Variants in GCNT1 observed in about 807,000 individuals in gnomAD.
GCNT1 encodes glucosaminyl (N-acetyl) transferase 1.
In GCNT1, 16 loss-of-function variants were observed where a neutral mutation model predicts 26.2. The observed-to-expected ratio is 0.61, with a 90% CI of 0.41 to 0.93. The LOEUF (loss-of-function observed/expected upper bound fraction) is 0.93. Among genes scored for constraint, GCNT1 ranks in the 40% least tolerant of loss-of-function variants. The pLI is 0.00. For missense variants in GCNT1, 477 were observed against 526.7 expected (o/e 0.91, Z 0.92); for synonymous variants, 183 against 190.8 (o/e 0.96, Z 0.34).
exon 1 of GCNT1, chr9:76,441,780 G>T: frequency 6.6e-6 from 1 of 152,314 alleles, no homozygotes. Flanking sequence ...AGGTTTCCTG[G>T]GACCAGAAAA....
chr9:76,497,568 A>G (rs1587455985), intron 2 of GCNT1, among the ~76,000 whole-genome samples: 1 of 152,232 alleles, frequency 6.6e-6, no homozygotes, highest in African/African-American at 2.4e-5. Context: ...TTTACGTTGT[A>G]AAAAGCGTTT....
At chr9:76,403,890 G>C in the GCNT1 span, among the ~76,000 whole-genome samples, 1 of 152,244 alleles carries the variant, frequency 6.6e-6, no homozygotes, top group African/African-American at 2.4e-5. Context: ...TTATACATTT[G>C]GTGCAATGAT....
intron 1 of GCNT1, among the ~76,000 whole-genome samples, chr9:76,424,402 G>A (rs368379594): frequency 7.8e-4 from 119 of 152,258 alleles, no homozygotes; most frequent in African/African-American, 2.8e-3. Context: ...AACAGGCAAA[G>A]GAACAATATT....
intron 2 of GCNT1, among the ~76,000 whole-genome samples, chr9:76,479,250 C>G (rs907069967): frequency 2.4e-4 from 37 of 152,208 alleles, no homozygotes; most frequent in African/African-American, 8.4e-4. Flanking sequence ...TTAATCCAGT[C>G]TATCATTGTT....
intron 1 of GCNT1, among the ~76,000 whole-genome samples, chr9:76,433,064 G>C (rs1823359050): frequency 1.3e-5 from 2 of 152,088 alleles, no homozygotes; most frequent in Non-Finnish European, 2.9e-5. Flanking sequence ...TCTCTACTGA[G>C]AGCTGTTTCA....
At chr9:76,496,345 C>T (rs990086171) in intron 2 of GCNT1, among the ~76,000 whole-genome samples, 3 of 152,212 alleles carry the variant, frequency 2.0e-5, no homozygotes, top group East Asian at 1.9e-4. Context: ...CAGAGGGATC[C>T]GTGCAACCAG....
chr9:76,404,306 T>C, the GCNT1 span, among the ~76,000 whole-genome samples: 1 of 152,286 alleles, frequency 6.6e-6, no homozygotes, highest in Middle Eastern at 3.4e-3. Flanking sequence ...CTGTCCAATA[T>C]ATAAAATAAT....
chr9:76,420,006 T>C (rs1823168598), intron 1 of GCNT1: 1 of 152,332 alleles, frequency 6.6e-6, no homozygotes. Context: ...GAAGAAACCT[T>C]AGCATTACAG....
chr9:76,428,082 C>A (rs553086673), intron 1 of GCNT1, among the ~76,000 whole-genome samples: 1 of 151,662 alleles, frequency 6.6e-6, no homozygotes. Context: ...CTGGCTAATA[C>A]GGTGAAACCC....
Position 76,502,346 on chromosome 9 carries a change from GC to G in GCNT1, c.-33del. 1 of 1,445,302 alleles carries G rather than the reference GC, an allele frequency of 6.9e-7. No individual in the cohort carries two copies. The highest frequency in any genetic ancestry group is 9.7e-7 in the Non-Finnish European group (1 of 1,036,268). 89.5% of individuals were successfully genotyped at this position (1,445,302 alleles called of 1,614,324 possible). On this transcript the variant is annotated 5_prime_UTR_variant, in exon 4 of 4. An upstream open reading frame in the 5' UTR gains an earlier in-frame stop. Transcript: ENST00000376730. ...ATTGGTGCTTGGAGCATAGAAGACT[GC>G]CCTTCACAAAGGAAATCCCTGATTA...
rs75685233 is a variant in GCNT1, at chr9:76,475,857, G to A, written c.-290+15680G>A. 1.8e-3 allele frequency among the ~76,000 whole-genome samples: 265 copies of A among 143,806 alleles called. 8 individuals carry two copies. In the East Asian group the frequency reaches 0.044, roughly 24 times the overall value. The allele number at this position is 143,806 out of a possible 152,430, so 94.3% of individuals were successfully genotyped here. A position where few individuals can be genotyped will look rare whatever the true frequency, so the allele number is the denominator to read the frequency against. On this transcript the variant is annotated intron_variant, in intron 2 of 3. Coordinates refer to ENST00000376730, the MANE Select transcript of GCNT1 (RefSeq NM_001490.5). ...GGCTCAGAGAGGTTAAGCAACTTGC[G>A]GAAACCATGCATTTAGGAAGTAACT...
upstream of GCNT1, among the ~76,000 whole-genome samples, chr9:76,417,708 C>T (rs1157525995): frequency 1.3e-5 from 2 of 152,166 alleles, no homozygotes; most frequent in Non-Finnish European, 2.9e-5. Flanking sequence ...ATGTTTATTT[C>T]TGTAGCTGCT....
chr9:76,432,368 G>C (rs1217444048), intron 1 of GCNT1, among the ~76,000 whole-genome samples: 1 of 152,012 alleles, frequency 6.6e-6, no homozygotes, highest in African/African-American at 2.4e-5. Flanking sequence ...TTCAAGACAG[G>C]GTTTCACTCT....
At chr9:76,431,486 G>C (rs563458234) in intron 1 of GCNT1, among the ~76,000 whole-genome samples, 7 of 152,268 alleles carry the variant, frequency 4.6e-5, no homozygotes, top group Admixed American at 3.3e-4. Flanking sequence ...AGAACACAGA[G>C]CTTTCTTGCT....
the GCNT1 span, chr9:76,399,114 A>G: frequency 6.4e-7 from 1 of 1,562,642 alleles, no homozygotes. Context: ...GAGGCATCTT[A>G]TGTTAACCTA....
chr9:76,475,576 G>A (rs567015922), intron 2 of GCNT1, among the ~76,000 whole-genome samples: 1 of 152,224 alleles, frequency 6.6e-6, no homozygotes, highest in Admixed American at 6.5e-5. Context: ...ATAGACCCAC[G>A]GAGTAGTGTG....
the GCNT1 span, chr9:76,398,773 A>G: frequency 8.2e-7 from 1 of 1,218,452 alleles, no homozygotes; most frequent in Non-Finnish European, 1.2e-6. Context: ...GAACCCACTT[A>G]GGTGGCACCA....
At chr9:76,484,052 T>C (rs1048393943) in intron 2 of GCNT1, among the ~76,000 whole-genome samples, 8 of 152,208 alleles carry the variant, frequency 5.3e-5, no homozygotes, top group South Asian at 2.1e-4. Flanking sequence ...CTTTTGTTTA[T>C]GTGGGTTATA....
At chr9:76,499,137 CT>C (rs1286693393) in intron 2 of GCNT1, among the ~76,000 whole-genome samples, 1 of 150,902 alleles carries the variant, frequency 6.6e-6, no homozygotes, top group East Asian at 2.0e-4. Context: ...GTTAACAATC[CT>C]TTTTTTTGAG....
Sources: gnomAD v4.1 joint callset for allele counts (sites outside exome capture counted in the v4.1 genomes callset) on GRCh38, gnomAD v4.1.1 for gene constraint, MANE v1.5 for transcripts, NCBI Gene and HGNC (gene_info 2026-07-23, HGNC 2026-07-21) for gene names.